Variants in PTPN22 observed in about 807,000 individuals in gnomAD.
PTPN22 encodes the protein protein tyrosine phosphatase non-receptor type 22, also known as tyrosine-protein phosphatase non-receptor type 22.
PTPN22 carries 85 observed loss-of-function variants against 103.3 expected under a neutral mutation model. The ratio of observed to expected loss-of-function variants is 0.82; its 90% CI spans 0.69 to 0.99. PTPN22 has a LOEUF of 0.99. Ranked by LOEUF, PTPN22 falls within the 50% of genes least tolerant of loss-of-function variation. The pLI is 0.00. For missense variants in PTPN22, 865 were observed against 936.9 expected (o/e 0.92, Z 1.00); for synonymous variants, 323 against 310.2 (o/e 1.04, Z -0.43).
chr1:113,838,235 T>C, exon 13 of PTPN22: 1 of 1,614,184 alleles, frequency 6.2e-7, no homozygotes, highest in East Asian at 2.2e-5. Context: ...TCAGCATTTT[T>C]GTCAAAACTG....
chr1:113,871,656 G>A, exon 1 of PTPN22: 1 of 1,592,294 alleles, frequency 6.3e-7, no homozygotes, highest in Non-Finnish European at 8.6e-7. Context: ...CTATAAGTAG[G>A]TTGAGGGAGG....
At chr1:113,823,421 T>C (rs958572659) in intron 19 of PTPN22, 1 of 152,248 alleles carries the variant, frequency 6.6e-6, no homozygotes, top group Non-Finnish European at 1.5e-5. Context: ...AGGACACATA[T>C]GAAGTACAGT....
intron 1 of PTPN22, among the ~76,000 whole-genome samples, chr1:113,864,546 T>C (rs1429183406): frequency 6.9e-6 from 1 of 144,606 alleles, no homozygotes; most frequent in Non-Finnish European, 1.5e-5. Flanking sequence ...ACCCTAGAGG[T>C]TGAGGCTGCA....
intron 3 of PTPN22, 115 bp downstream of exon 3, chr1:113,858,887 C>T (rs902228885): frequency 6.8e-7 from 1 of 1,462,244 alleles, no homozygotes; most frequent in African/African-American, 1.4e-5. Flanking sequence ...GATCTTTCCG[C>T]CTCAGCCTCC....
intron 8 of PTPN22, 24 bp downstream of exon 8, chr1:113,854,883 G>A (rs1664909596): frequency 6.2e-7 from 1 of 1,605,994 alleles, no homozygotes; most frequent in African/African-American, 1.3e-5. Flanking sequence ...ATTTTGGGTA[G>A]AAGGTTTATA....
rs552810579 is a variant in PTPN22 at position 113,861,237 on chromosome 1, GTTTGTT to G, written c.88-1783_88-1778del. 7.2e-5 allele frequency among the ~76,000 whole-genome samples: 11 copies of G among 151,836 alleles called. No homozygotes were observed. The South Asian group carries it at 1.9e-3, about 26-fold the overall frequency. On this transcript the variant is annotated intron_variant, in intron 1 of 20. Coordinates refer to ENST00000359785, the Ensembl canonical transcript of PTPN22. ...CCTTTTTCTTTCTGTTTTTTTGTTT[GTTTGTT>G]TTTGTTTTTGTTTTTGAGACAAAGT...
At chr1:113,835,723 C>T (rs977803492) in intron 13 of PTPN22, among the ~76,000 whole-genome samples, 29 of 152,128 alleles carry the variant, frequency 1.9e-4, no homozygotes, top group Non-Finnish European at 4.0e-4. Flanking sequence ...TAGGTAAAAT[C>T]ATAAAGATTT....
intron 13 of PTPN22, among the ~76,000 whole-genome samples, chr1:113,835,709 AC>A (rs1245445803): frequency 6.6e-6 from 1 of 152,208 alleles, no homozygotes; most frequent in African/African-American, 2.4e-5. Context: ...GTTCAGTTAT[AC>A]ATTAGGTAAA....
chr1:113,840,313 G>T (rs1433209591), intron 11 of PTPN22, among the ~76,000 whole-genome samples: 1 of 151,640 alleles, frequency 6.6e-6, no homozygotes, highest in South Asian at 2.1e-4. Context: ...CAAAAAATCT[G>T]CTAGAGCTAA....
At chr1:113,829,772 A>G in intron 17 of PTPN22, 65 bp from the exon 18 acceptor site, 2 of 1,281,410 alleles carry the variant, frequency 1.6e-6, no homozygotes, top group Non-Finnish European at 2.2e-6. Flanking sequence ...CATGTTACAT[A>G]TAATAAATTG....
At chr1:113,844,831 A>G (rs898016519) in intron 11 of PTPN22, among the ~76,000 whole-genome samples, 6 of 151,844 alleles carry the variant, frequency 4.0e-5, no homozygotes, top group African/African-American at 1.5e-4. Flanking sequence ...TAGTTAATTA[A>G]TTTTTGAGAC....
At chr1:113,849,582 A>ATT (rs1320205865) in intron 10 of PTPN22, among the ~76,000 whole-genome samples, 9 of 80,708 alleles carry the variant, frequency 1.1e-4, no homozygotes, top group Admixed American at 1.1e-4. Flanking sequence ...CTCTTTATTT[A>ATT]TTTATTTATT....
Position 113,866,196 on chromosome 1 carries a change from G to T in PTPN22, c.87+5341C>A, listed in dbSNP as rs191901906. Among the ~76,000 whole-genome samples the T allele has an allele frequency of 2.6e-3, 390 of 152,184 alleles. 2 individuals are homozygous for T. Among genetic ancestry groups the T allele is most frequent in the Admixed American group, 5.7e-3 (87 of 15,278 alleles). On this transcript the variant is annotated intron_variant, in intron 1 of 20. Coordinates refer to ENST00000359785, the Ensembl canonical transcript of PTPN22. The stretch of plus-strand genomic sequence containing the variant: ...GAGGTATAGAAGCATTCTCTATTAT[G>T]ATTATTATTCTTTCATTATAAAACC...
intron 20 of PTPN22, among the ~76,000 whole-genome samples, chr1:113,817,652 G>T (rs924090547): frequency 1.3e-5 from 2 of 151,990 alleles, no homozygotes; most frequent in African/African-American, 2.4e-5. Context: ...TCACTGTGTT[G>T]CTTAGGCTGG....
chr1:113,827,778 GAGACCCCATCCTAGACAACATAGCA>G (rs1662216201), intron 18 of PTPN22, among the ~76,000 whole-genome samples: 1 of 151,994 alleles, frequency 6.6e-6, no homozygotes. Flanking sequence ...GCAACATAGG[GAGACCCCATCCTAGACAACATAGCA>G]AGACCCCATC....
At chr1:113,817,777 T>C (rs1661281399) in intron 20 of PTPN22, among the ~76,000 whole-genome samples, 1 of 151,870 alleles carries the variant, frequency 6.6e-6, no homozygotes, top group Non-Finnish European at 1.5e-5. Flanking sequence ...TAGGCATATT[T>C]GAGAGGAAGC....
In PTPN22 at chr1:113,855,394, C is replaced by A. The variant is rs117401584; in HGVS notation, c.541-345G>T. Among the ~76,000 whole-genome samples the A allele has an allele frequency of 2.5e-3, 372 of 150,708 alleles. 6 individuals are homozygous for A. In the East Asian group the frequency reaches 0.058, roughly 24 times the overall value. On this transcript the variant is annotated intron_variant, in intron 7 of 20. Coordinates refer to ENST00000359785, the Ensembl canonical transcript of PTPN22. ...CCTGTAGTCCCAGCTACTGGGGAGG[C>A]CACGGCACAAGAGTTGCTTGGACCC... is the stretch of plus-strand genomic sequence containing the variant.
chr1:113,834,069 A>G (rs1375240998), intron 15 of PTPN22, among the ~76,000 whole-genome samples: 1 of 152,240 alleles, frequency 6.6e-6, no homozygotes, highest in Non-Finnish European at 1.5e-5. Flanking sequence ...TTGCTTTGTT[A>G]TAATAAATAT....
intron 11 of PTPN22, among the ~76,000 whole-genome samples, chr1:113,839,061 A>G (rs972514993): frequency 6.6e-6 from 1 of 152,098 alleles, no homozygotes; most frequent in African/African-American, 2.4e-5. Flanking sequence ...TAGCATGCCA[A>G]ACTTATTTCC....
Sources: allele counts gnomAD v4.1 joint callset (sites outside exome capture counted in the v4.1 genomes callset), GRCh38; gene constraint gnomAD v4.1.1; transcripts MANE v1.5; gene names NCBI Gene and HGNC (gene_info 2026-07-23, HGNC 2026-07-21).